Variants in CSMD3 observed in about 807,000 individuals in gnomAD.
The protein encoded by CSMD3 is CUB and sushi domain-containing protein 3.
A neutral mutation model predicts 435.2 loss-of-function variants in CSMD3; 177 were observed. The ratio of observed to expected loss-of-function variants is 0.41; its 90% CI spans 0.36 to 0.46. The LOEUF is 0.46. Among genes scored for constraint, CSMD3 ranks in the 20% least tolerant of loss-of-function variants. The pLI, the probability that CSMD3 is intolerant of heterozygous loss-of-function variation, is 0.34. For missense variants in CSMD3, 4,265 were observed against 4,504.6 expected, an observed-to-expected ratio of 0.95 and a Z score of 1.52; for synonymous variants, 1,656 against 1,520.5, an observed-to-expected ratio of 1.09 and a Z score of -2.07.
intron 10 of CSMD3, among the ~76,000 whole-genome samples, chr8:112,905,406 G>A (rs539341948): frequency 1.3e-5 from 2 of 151,256 alleles, no homozygotes; most frequent in African/African-American, 4.8e-5. Flanking sequence ...AATCCTCCAT[G>A]TGTTTCTTGT....
intron 32 of CSMD3, among the ~76,000 whole-genome samples, chr8:112,468,232 GTATT>G (rs1818155232): frequency 8.7e-6 from 1 of 114,880 alleles, no homozygotes; most frequent in Non-Finnish European, 1.8e-5. Context: ...ATTGCCTAAA[GTATT>G]TTTTTTTTTT....
intron 2 of CSMD3, among the ~76,000 whole-genome samples, chr8:113,291,209 A>G (rs1002677131): frequency 2.0e-5 from 3 of 151,800 alleles, no homozygotes; most frequent in South Asian, 2.1e-4. Flanking sequence ...GTTGCAATAA[A>G]TGTTTTGCTG....
chr8:113,191,524 T>C (rs2092584515), intron 3 of CSMD3, among the ~76,000 whole-genome samples: 1 of 151,668 alleles, frequency 6.6e-6, no homozygotes, highest in African/African-American at 2.4e-5. Context: ...GTTAATTTGC[T>C]TAGGATAATG....
At chr8:112,333,468 T>C (rs561983195) in intron 45 of CSMD3, among the ~76,000 whole-genome samples, 1 of 152,262 alleles carries the variant, frequency 6.6e-6, no homozygotes, top group East Asian at 1.9e-4. Context: ...CGCCTGGCCT[T>C]GATCTGCTTT....
intron 5 of CSMD3, among the ~76,000 whole-genome samples, chr8:113,091,240 T>C (rs1229173382): frequency 6.6e-6 from 1 of 152,084 alleles, no homozygotes; most frequent in Admixed American, 6.6e-5. Flanking sequence ...GCAATGCTCA[T>C]GAAAGTATTT....
intron 32 of CSMD3, among the ~76,000 whole-genome samples, chr8:112,434,125 G>A (rs1241833996): frequency 6.6e-6 from 1 of 152,138 alleles, no homozygotes; most frequent in African/African-American, 2.4e-5. Flanking sequence ...CAGACAGTGT[G>A]AAGTGGTACT....
At chr8:112,855,163 A>G (rs1402604750) in intron 11 of CSMD3, among the ~76,000 whole-genome samples, 1 of 152,190 alleles carries the variant, frequency 6.6e-6, no homozygotes, top group Non-Finnish European at 1.5e-5. Flanking sequence ...AAATGTGGCT[A>G]CTGGAAAATT....
intron 5 of CSMD3, among the ~76,000 whole-genome samples, chr8:113,039,434 T>G (rs1164042667): frequency 6.6e-6 from 1 of 152,190 alleles, no homozygotes; most frequent in Non-Finnish European, 1.5e-5. Context: ...AATTAGCTTA[T>G]GAAGATATAT....
intron 45 of CSMD3, among the ~76,000 whole-genome samples, chr8:112,334,000 A>G (rs912964278): frequency 6.6e-6 from 1 of 152,326 alleles, no homozygotes; most frequent in Non-Finnish European, 1.5e-5. Context: ...GCCTTAGGCT[A>G]TATCTGCAAA....
Position 113,249,409 on chromosome 8 carries a change from A to C in CSMD3, c.514+29183T>G, listed in dbSNP as rs189429455. Among the ~76,000 whole-genome samples the C allele has an allele frequency of 3.1e-3, 473 of 152,204 alleles. 2 individuals carry two copies. Among genetic ancestry groups the C allele is most frequent in the African/African-American group, 9.6e-3 (397 of 41,542 alleles). On this transcript the variant is annotated intron_variant, in intron 3 of 70. Coordinates refer to ENST00000297405, the MANE Select transcript of CSMD3 (RefSeq NM_198123.2). ...ACGTTCTTCCAGAAATGTTTTATGTAGTATTGTGAAAGATGGTCCCAGAAA... is the reference window on the plus strand; with the variant it reads ...ACGTTCTTCCAGAAATGTTTTATGTCGTATTGTGAAAGATGGTCCCAGAAA...
At chr8:113,013,692 T>C (rs116195795) in intron 6 of CSMD3, among the ~76,000 whole-genome samples, 349 of 152,178 alleles carry the variant, frequency 2.3e-3, no homozygotes, top group African/African-American at 8.0e-3. Flanking sequence ...AAGGATCCAC[T>C]GGCTCCAACC....
At chr8:112,688,940 G>T (rs1159570658) in intron 14 of CSMD3, among the ~76,000 whole-genome samples, 2 of 151,888 alleles carry the variant, frequency 1.3e-5, no homozygotes, top group African/African-American at 4.8e-5. Context: ...TACACTAATG[G>T]ATTCTCCAGT....
At chr8:113,146,972 A>G (rs1397566243) in intron 4 of CSMD3, among the ~76,000 whole-genome samples, 1 of 151,732 alleles carries the variant, frequency 6.6e-6, no homozygotes, top group African/African-American at 2.4e-5. Context: ...TACTTTACTT[A>G]AAAGGTGATA....
chr8:112,407,726 T>C (rs1316563669), intron 34 of CSMD3, among the ~76,000 whole-genome samples: 1 of 152,058 alleles, frequency 6.6e-6, no homozygotes, highest in Non-Finnish European at 1.5e-5. Context: ...AACTACTATA[T>C]GACCATATAT....
At chr8:112,369,546 G>A (rs1220183563) in intron 38 of CSMD3, among the ~76,000 whole-genome samples, 1 of 152,140 alleles carries the variant, frequency 6.6e-6, no homozygotes, top group Non-Finnish European at 1.5e-5. Context: ...AAAAGAATGA[G>A]TTCATGTCAT....
intron 1 of CSMD3, among the ~76,000 whole-genome samples, chr8:113,426,388 A>G (rs1322803079): frequency 1.3e-5 from 2 of 151,350 alleles, no homozygotes; most frequent in Non-Finnish European, 3.0e-5. Flanking sequence ...GGGTGTATCC[A>G]TTATGTGGTA....
At chr8:112,855,143 A>C (rs1038714071) in intron 11 of CSMD3, among the ~76,000 whole-genome samples, 1 of 152,176 alleles carries the variant, frequency 6.6e-6, no homozygotes, top group Non-Finnish European at 1.5e-5. Flanking sequence ...AATTAATTTC[A>C]TCTCTTAAAA....
At chr8:112,820,710 A>G (rs527750911) in intron 12 of CSMD3, among the ~76,000 whole-genome samples, 167 of 151,028 alleles carry the variant, frequency 1.1e-3, no homozygotes, top group Non-Finnish European at 1.9e-3. Flanking sequence ...CTACGTAGGT[A>G]TACACGTGCC....
chr8:112,259,753 T>C (rs1225974917), intron 61 of CSMD3, among the ~76,000 whole-genome samples: 1 of 152,192 alleles, frequency 6.6e-6, no homozygotes, highest in Non-Finnish European at 1.5e-5. Flanking sequence ...GGCAATGCTG[T>C]ATAATATCAA....
Sources: gnomAD v4.1 joint callset for allele counts (sites outside exome capture counted in the v4.1 genomes callset) on GRCh38, gnomAD v4.1.1 for gene constraint, MANE v1.5 for transcripts, NCBI Gene and HGNC (gene_info 2026-07-23, HGNC 2026-07-21) for gene names.